The following TCF12 variants were observed in gnomAD, a reference collection of about 807,000 sequenced individuals.
TCF12 encodes DNA-binding protein HTF4.
In TCF12, 45 loss-of-function variants were observed where a neutral mutation model predicts 86.0. The ratio of observed to expected loss-of-function variants is 0.52; its 90% confidence interval spans 0.41 to 0.67. The LOEUF (loss-of-function observed/expected upper bound fraction) is 0.67. Ranked by LOEUF, TCF12 falls within the 30% of genes least tolerant of loss-of-function variation. The pLI is 0.00. For synonymous variants in TCF12, 330 were observed against 299.6 expected (o/e 1.10, Z -1.05); for missense variants, 881 against 859.9 (o/e 1.02, Z -0.31).
At chr15:56,950,759 T>C (rs1302712995) in intron 3 of TCF12, among the ~76,000 whole-genome samples, 1 of 143,766 alleles carries the variant, frequency 7.0e-6, no homozygotes, top group Admixed American at 6.9e-5. Context: ...TTTTTTTTTT[T>C]TTTTTTTTTT....
chr15:56,981,024 T>G (rs1246671675), intron 3 of TCF12, among the ~76,000 whole-genome samples: 1 of 152,216 alleles, frequency 6.6e-6, no homozygotes, highest in South Asian at 2.1e-4. Context: ...GGAAGCCTCA[T>G]ATTTCTGCAT....
chr15:57,222,444 T>C (rs1484602815), intron 8 of TCF12, among the ~76,000 whole-genome samples: 2 of 151,998 alleles, frequency 1.3e-5, no homozygotes, highest in African/African-American at 4.8e-5. Flanking sequence ...TTTTTCCTAC[T>C]GCTTAAAAAG....
At chr15:57,246,509 C>G (rs558735608) in intron 13 of TCF12, among the ~76,000 whole-genome samples, 3 of 151,742 alleles carry the variant, frequency 2.0e-5, no homozygotes, top group East Asian at 1.9e-4. Flanking sequence ...AGGCTGGTAG[C>G]AAGACAGCAG....
At chr15:57,207,673 G>A (rs975756206) in intron 8 of TCF12, among the ~76,000 whole-genome samples, 4 of 151,906 alleles carry the variant, frequency 2.6e-5, no homozygotes, top group Non-Finnish European at 4.4e-5. Context: ...GTAAAACTCC[G>A]TCTCAAAAAA....
intron 8 of TCF12, among the ~76,000 whole-genome samples, chr15:57,200,322 A>G (rs1171401778): frequency 1.3e-5 from 2 of 152,214 alleles, no homozygotes; most frequent in African/African-American, 4.8e-5. Context: ...ACTTAAGGTT[A>G]TACTGTTTAC....
intron 19 of TCF12, among the ~76,000 whole-genome samples, chr15:57,277,410 C>G (rs2061448668): frequency 2.6e-5 from 4 of 151,888 alleles, no homozygotes; most frequent in Admixed American, 6.6e-5. Context: ...GCAGGCAGAT[C>G]ATGAGGTCAA....
intron 3 of TCF12, among the ~76,000 whole-genome samples, chr15:56,996,996 A>T (rs1197117827): frequency 1.3e-5 from 2 of 152,214 alleles, no homozygotes; most frequent in Admixed American, 1.3e-4. Context: ...TGCTATGGAA[A>T]AAAGGGAACA....
intron 8 of TCF12, among the ~76,000 whole-genome samples, chr15:57,206,367 G>A (rs2057810402): frequency 6.6e-6 from 1 of 151,918 alleles, no homozygotes. Context: ...CGGGCATGGT[G>A]GTGCACACCT....
chr15:57,146,554 C>T (rs1160955270), intron 5 of TCF12, among the ~76,000 whole-genome samples: 1 of 151,916 alleles, frequency 6.6e-6, no homozygotes, highest in Admixed American at 6.6e-5. Context: ...AAATGAATAC[C>T]GGATTTAGTC....
intron 5 of TCF12, among the ~76,000 whole-genome samples, chr15:57,127,126 G>A (rs1459538951): frequency 4.0e-5 from 6 of 151,538 alleles, no homozygotes; most frequent in South Asian, 4.2e-4. Flanking sequence ...GGGATTACAC[G>A]CACCCACCAC....
intron 3 of TCF12, among the ~76,000 whole-genome samples, chr15:56,978,511 C>T (rs555796476): frequency 1.3e-5 from 2 of 152,098 alleles, no homozygotes; most frequent in East Asian, 1.9e-4. Context: ...TTTAGGGAAA[C>T]GTATTTGCCA....
chr15:57,163,275 T>A (rs1243824500), intron 5 of TCF12, among the ~76,000 whole-genome samples: 2 of 152,230 alleles, frequency 1.3e-5, no homozygotes, highest in Non-Finnish European at 2.9e-5. Flanking sequence ...TAATTATTTT[T>A]AAAAACCTTA....
intron 3 of TCF12, among the ~76,000 whole-genome samples, chr15:56,991,420 A>G (rs920941670): frequency 6.6e-6 from 1 of 152,196 alleles, no homozygotes; most frequent in African/African-American, 2.4e-5. Flanking sequence ...AAAGGGCTGA[A>G]CTTGTGACCT....
At chr15:57,104,917 A>T (rs1294888872) in intron 5 of TCF12, among the ~76,000 whole-genome samples, 10 of 122,606 alleles carry the variant, frequency 8.2e-5, no homozygotes, top group African/African-American at 3.2e-4. Context: ...TTTGTCACAC[A>T]GGCTGGAGTG....
intron 5 of TCF12, among the ~76,000 whole-genome samples, chr15:57,150,172 A>T (rs2151450565): frequency 6.6e-6 from 1 of 152,286 alleles, no homozygotes; most frequent in South Asian, 2.1e-4. Context: ...TGGGACTAGG[A>T]TTTATAGGGT....
At chr15:57,223,654 T>TTGTTTTTGTTTTG (rs56405255) in intron 8 of TCF12, among the ~76,000 whole-genome samples, 1 of 129,964 alleles carries the variant, frequency 7.7e-6, no homozygotes, top group African/African-American at 2.7e-5. Flanking sequence ...TTTTTTTTTT[T>TTGTTTTTGTTTTG]TTTTTTTTTT....
At chr15:57,086,169 C>G (rs1231849972) in intron 4 of TCF12, among the ~76,000 whole-genome samples, 1 of 148,972 alleles carries the variant, frequency 6.7e-6, no homozygotes, top group Non-Finnish European at 1.5e-5. Flanking sequence ...GGTCCCTGTG[C>G]TCTCAGAATT....
chr15:57,252,211 A>T, intron 14 of TCF12: 1 of 428,340 alleles, frequency 2.3e-6, no homozygotes, highest in East Asian at 3.5e-5. Context: ...TTTGCAAGCA[A>T]TTATAAGCAA....
At chr15:57,223,571 C>A (rs1354426976) in intron 8 of TCF12, among the ~76,000 whole-genome samples, 1 of 146,470 alleles carries the variant, frequency 6.8e-6, no homozygotes, top group African/African-American at 2.5e-5. Flanking sequence ...TTTAGCAAGT[C>A]TCCTCTTCTA....
Sources: allele counts gnomAD v4.1 joint callset (sites outside exome capture counted in the v4.1 genomes callset), GRCh38; gene constraint gnomAD v4.1.1; transcripts MANE v1.5; gene names NCBI Gene and HGNC (gene_info 2026-07-23, HGNC 2026-07-21).